SMARCC1: variants seen among roughly 807,000 people sequenced by gnomAD.
SMARCC1 encodes SWI/SNF related BAF chromatin remodeling complex subunit C1.
In SMARCC1, 43 loss-of-function variants were observed where a neutral mutation model predicts 147.4. The ratio of observed to expected loss-of-function variants is 0.29; its 90% CI spans 0.23 to 0.38. SMARCC1 has a LOEUF of 0.38. Ranked by LOEUF, SMARCC1 falls within the 10% of genes least tolerant of loss-of-function variation. The pLI is 1.00. For missense variants in SMARCC1, 1,119 were observed against 1,381.1 expected (o/e 0.81, Z 3.01); for synonymous variants, 495 against 484.4 (o/e 1.02, Z -0.29).
chr3:47,744,784 A>G (rs2034548497), intron 3 of SMARCC1, among the ~76,000 whole-genome samples: 1 of 152,150 alleles, frequency 6.6e-6, no homozygotes, highest in Admixed American at 6.6e-5. Context: ...AGAGAAAAAA[A>G]AGAAATAGTA....
At chr3:47,755,063 T>C (rs1299088628) in intron 2 of SMARCC1, among the ~76,000 whole-genome samples, 2 of 150,046 alleles carry the variant, frequency 1.3e-5, no homozygotes, top group Non-Finnish European at 3.0e-5. Flanking sequence ...AAATAAAAAT[T>C]ATCCGGGCAC....
At chr3:47,606,299 T>C (rs1559624059) in intron 26 of SMARCC1, among the ~76,000 whole-genome samples, 1 of 152,236 alleles carries the variant, frequency 6.6e-6, no homozygotes, top group Non-Finnish European at 1.5e-5. Context: ...ATCCCCTTAG[T>C]CTTCCGTCAC....
At chr3:47,652,952 T>TC (rs1361179006) in intron 21 of SMARCC1, among the ~76,000 whole-genome samples, 68 of 147,940 alleles carry the variant, frequency 4.6e-4, no homozygotes, top group African/African-American at 1.4e-3. Flanking sequence ...TTACTTTCTT[T>TC]TTTTTTTTTT....
At chr3:47,762,804 C>G (rs1191572106) in intron 2 of SMARCC1, among the ~76,000 whole-genome samples, 1 of 152,092 alleles carries the variant, frequency 6.6e-6, no homozygotes, top group African/African-American at 2.4e-5. Context: ...CAGTAGCTCA[C>G]GCCTGTAATC....
intron 9 of SMARCC1, among the ~76,000 whole-genome samples, chr3:47,708,081 T>TTCTTTTTTTC: frequency 1.1e-5 from 1 of 90,340 alleles, no homozygotes; most frequent in African/African-American, 3.7e-5. Flanking sequence ...TGAATTTTTT[T>TTCTTTTTTTC]TCTTTTTTTT....
chr3:47,685,287 GC>G (rs1367244457), intron 14 of SMARCC1, among the ~76,000 whole-genome samples: 15 of 152,132 alleles, frequency 9.9e-5, no homozygotes, highest in Admixed American at 5.2e-4. Context: ...GCATGAAACT[GC>G]AAGATTTCAT....
At chr3:47,600,748 C>T (rs1037382826) in intron 26 of SMARCC1, among the ~76,000 whole-genome samples, 14 of 152,158 alleles carry the variant, frequency 9.2e-5, no homozygotes, top group African/African-American at 3.1e-4. Flanking sequence ...TCGCACAAAG[C>T]AACCCTTGTC....
At chr3:47,613,717 T>C (rs1483810418) in intron 25 of SMARCC1, among the ~76,000 whole-genome samples, 2 of 152,118 alleles carry the variant, frequency 1.3e-5, no homozygotes, top group African/African-American at 2.4e-5. Flanking sequence ...AACAAAAAAA[T>C]AGGCTCCAGC....
intron 19 of SMARCC1, 132 bp downstream of exon 19, chr3:47,670,526 C>A: frequency 5.9e-6 from 4 of 673,886 alleles, no homozygotes; most frequent in Non-Finnish European, 1.1e-5. Context: ...AGAGGCTGCA[C>A]TGAGCTACCA....
At chr3:47,684,153 T>A (rs1054740827) in intron 14 of SMARCC1, among the ~76,000 whole-genome samples, 97 of 134,886 alleles carry the variant, frequency 7.2e-4, no homozygotes, top group South Asian at 9.6e-4. Context: ...GGCAGGAGAA[T>A]GGCGTGAACC....
At chr3:47,714,935 C>T (rs2034137448) in intron 7 of SMARCC1, among the ~76,000 whole-genome samples, 1 of 152,126 alleles carries the variant, frequency 6.6e-6, no homozygotes, top group Non-Finnish European at 1.5e-5. Context: ...TATTGCTAAA[C>T]CCGAAGTTCA....
chr3:47,727,827 G>A (rs1362463839), intron 6 of SMARCC1, among the ~76,000 whole-genome samples: 1 of 152,008 alleles, frequency 6.6e-6, no homozygotes, highest in Non-Finnish European at 1.5e-5. Flanking sequence ...CTGACCTCAG[G>A]TGATCCACCC....
At chr3:47,638,525 G>C (rs926359017) in intron 22 of SMARCC1, among the ~76,000 whole-genome samples, 200 bp downstream of exon 22, 1 of 152,152 alleles carries the variant, frequency 6.6e-6, no homozygotes, top group Non-Finnish European at 1.5e-5. Context: ...AGAGGATAGG[G>C]AGTGAATACA....
chr3:47,706,900 C>G (rs1385705678), intron 9 of SMARCC1, among the ~76,000 whole-genome samples: 2 of 152,128 alleles, frequency 1.3e-5, no homozygotes, highest in Non-Finnish European at 2.9e-5. Context: ...AATACAAAGA[C>G]AGGCCAAACG....
intron 21 of SMARCC1, among the ~76,000 whole-genome samples, chr3:47,660,067 C>T (rs13081356): frequency 0.6 from 90,386 of 151,854 alleles, 28,158 homozygotes; most frequent in East Asian, 0.72. Context: ...TAGGTATACA[C>T]CCAACCAAAA....
At chr3:47,695,585 G>C (rs1268122244) in intron 11 of SMARCC1, among the ~76,000 whole-genome samples, 1 of 146,578 alleles carries the variant, frequency 6.8e-6, no homozygotes, top group Non-Finnish European at 1.5e-5. Flanking sequence ...TGGCCAACGT[G>C]GTGAAACCCT....
At chr3:47,640,771 C>T (rs772157246) in intron 21 of SMARCC1, among the ~76,000 whole-genome samples, 17 of 151,666 alleles carry the variant, frequency 1.1e-4, no homozygotes, top group East Asian at 5.8e-4. Context: ...ACAGGGACAA[C>T]GGATAAGAAA....
intron 26 of SMARCC1, among the ~76,000 whole-genome samples, chr3:47,601,172 T>G (rs982076994): frequency 1.3e-5 from 2 of 151,846 alleles, no homozygotes; most frequent in East Asian, 3.9e-4. Flanking sequence ...CCTGAAAAAT[T>G]AAAAGCTTTG....
chr3:47,743,053 T>C (rs1369433549), intron 3 of SMARCC1, among the ~76,000 whole-genome samples: 3 of 151,976 alleles, frequency 2.0e-5, no homozygotes, highest in East Asian at 3.9e-4. Flanking sequence ...AAGAAGAAAA[T>C]AGTGCTTGCC....
Sources: gnomAD v4.1 joint callset for allele counts (sites outside exome capture counted in the v4.1 genomes callset) on GRCh38, gnomAD v4.1.1 for gene constraint, MANE v1.5 for transcripts, NCBI Gene and HGNC (gene_info 2026-07-23, HGNC 2026-07-21) for gene names.